The following GSE1 variants were observed in gnomAD, a reference collection of about 807,000 sequenced individuals.
GSE1 encodes Gse1 coiled-coil protein, also known as genetic suppressor element 1.
In GSE1, 32 loss-of-function variants were observed where a neutral mutation model predicts 112.6. That is an observed-to-expected ratio of 0.28 (90% CI 0.21 to 0.38). The LOEUF (loss-of-function observed/expected upper bound fraction) is 0.38. GSE1 is among the 10% of genes least tolerant of loss of function. GSE1 has a pLI of 1.00. For synonymous variants in GSE1, 1,115 were observed against 735.6 expected (o/e 1.52, Z -8.35); for missense variants, 2,348 against 1,699.2 (o/e 1.38, Z -6.71).
At chr16:85,615,222 G>T (rs1484910594) in intron 1 of GSE1, among the ~76,000 whole-genome samples, 1 of 152,236 alleles carries the variant, frequency 6.6e-6, no homozygotes. Flanking sequence ...CAGGTGAGGG[G>T]CCCAGGGCGC....
intron 1 of GSE1, among the ~76,000 whole-genome samples, chr16:85,199,112 T>TTTTTG (rs1263075755): frequency 1.3e-5 from 2 of 152,046 alleles, no homozygotes; most frequent in East Asian, 1.9e-4. Flanking sequence ...GCCCAGCTAA[T>TTTTTG]TTTTGTTTTG....
At chr16:85,634,156 CGTGGG>C in intron 2 of GSE1, 24 bp downstream of exon 2, 1 of 1,398,060 alleles carries the variant, frequency 7.2e-7, no homozygotes, top group Admixed American at 3.3e-5. Flanking sequence ...CCAGGCTGCG[CGTGGG>C]GGGAGCGGCG....
At chr16:85,604,842 G>C (rs1333717325) in intron 1 of GSE1, among the ~76,000 whole-genome samples, 4 of 29,160 alleles carry the variant, frequency 1.4e-4, no homozygotes, top group Non-Finnish European at 2.3e-4. Context: ...TTTTGAGATG[G>C]AGTCTCGCTC....
intron 1 of GSE1, among the ~76,000 whole-genome samples, chr16:85,316,381 G>A (rs1057091031): frequency 2.6e-5 from 4 of 152,190 alleles, no homozygotes; most frequent in African/African-American, 9.7e-5. Context: ...GTCTCAATCT[G>A]CACAGGGCAC....
chr16:85,507,193 T>C (rs12598437), intron 2 of GSE1, among the ~76,000 whole-genome samples: 7,922 of 152,336 alleles, frequency 0.052, 357 homozygotes, highest in South Asian at 0.12. Flanking sequence ...TTCCTATCCA[T>C]GTATTCATCT....
At chr16:85,635,492 G>A (rs2049917472) in intron 2 of GSE1, among the ~76,000 whole-genome samples, 2 of 144,868 alleles carry the variant, frequency 1.4e-5, no homozygotes, top group Non-Finnish European at 3.1e-5. Flanking sequence ...CCTGCCTGGT[G>A]GAGGCATCCT....
At chr16:85,519,841 C>T (rs1222663339) in intron 2 of GSE1, among the ~76,000 whole-genome samples, 1 of 152,220 alleles carries the variant, frequency 6.6e-6, no homozygotes, top group African/African-American at 2.4e-5. Context: ...AGTCCAAGTG[C>T]TCCCCTTCCT....
intron 1 of GSE1, among the ~76,000 whole-genome samples, chr16:85,303,132 GGCCGTTGTT>G (rs1300350495): frequency 6.6e-6 from 1 of 152,250 alleles, no homozygotes; most frequent in Non-Finnish European, 1.5e-5. Context: ...CCATCCCTCT[GGCCGTTGTT>G]GCCCAGCCCG....
rs2053442315 is a variant in GSE1, at chr16:85,672,606, T to TTAA, written c.*70_*72dup. ...TTATCTATTTTATTACCTTGAATATTTAATATTTTTCACTGGGAGGTTTGA... is the reference window on the plus strand; with the variant it reads ...TTATCTATTTTATTACCTTGAATATTTAATAATATTTTTCACTGGGAGGTTTGA... On this transcript the variant is annotated 3_prime_UTR_variant, in exon 16 of 16. Transcript: ENST00000253458. 8.8e-7 allele frequency: 1 copy of TTAA among 1,132,334 alleles called. No homozygotes were observed. The highest frequency in any genetic ancestry group is 2.6e-5 in the Admixed American group (1 of 38,346). 70.1% of individuals were successfully genotyped at this position (1,132,334 alleles called of 1,614,324 possible).
In GSE1 at chr16:85,652,545, A is replaced by AGGCGGC. The variant is rs142500416; in HGVS notation, c.427-1717_427-1712dup. On this transcript the variant is annotated intron_variant, in intron 3 of 15. Coordinates refer to ENST00000253458, the MANE Select transcript of GSE1 (RefSeq NM_014615.5). ...GATGCTGCCTCTCATTGAAGATTCC[A>AGGCGGC]GGCGGCGGCGGCGGCGGCGGCTCCT... Among the ~76,000 whole-genome samples, 672 of 150,942 alleles carry AGGCGGC rather than the reference A, an allele frequency of 4.5e-3. 5 individuals carry two copies. The highest frequency in any genetic ancestry group is 0.03 in the East Asian group (153 of 5,028).
At chr16:85,183,199 A>G (rs941452209) in intron 1 of GSE1, among the ~76,000 whole-genome samples, 2 of 151,546 alleles carry the variant, frequency 1.3e-5, no homozygotes, top group African/African-American at 2.4e-5. Context: ...CCTCACACAC[A>G]TGTGTATGCA....
At chr16:85,530,026 C>T (rs927383057) in intron 2 of GSE1, among the ~76,000 whole-genome samples, 1 of 152,230 alleles carries the variant, frequency 6.6e-6, no homozygotes, top group Non-Finnish European at 1.5e-5. Context: ...GTGCAGTGCA[C>T]AACCTGCCCG....
intron 7 of GSE1, 102 bp from the exon 8 acceptor site, chr16:85,657,175 G>T: frequency 1.2e-6 from 1 of 801,548 alleles, no homozygotes; most frequent in Non-Finnish European, 1.9e-6. Flanking sequence ...GAACCCTTTG[G>T]AAGGGCTCTG....
intron 1 of GSE1, among the ~76,000 whole-genome samples, chr16:85,320,443 G>GTTTTC (rs1233617364): frequency 2.7e-5 from 4 of 150,740 alleles, no homozygotes; most frequent in African/African-American, 9.8e-5. Flanking sequence ...CCCGGCTAAT[G>GTTTTC]TTTTGTTTTG....
At chr16:85,431,465 C>A (rs1482095078) in intron 2 of GSE1, among the ~76,000 whole-genome samples, 1 of 152,248 alleles carries the variant, frequency 6.6e-6, no homozygotes, top group Non-Finnish European at 1.5e-5. Flanking sequence ...GAAAAACACA[C>A]AACGCCCCTA....
intron 2 of GSE1, among the ~76,000 whole-genome samples, chr16:85,432,143 TTAA>T (rs1204689355): frequency 6.6e-6 from 1 of 152,226 alleles, no homozygotes; most frequent in African/African-American, 2.4e-5. Context: ...TAATAGGCTA[TTAA>T]TAAAGCCCTT....
intron 1 of GSE1, among the ~76,000 whole-genome samples, chr16:85,614,909 C>T (rs2048274485): frequency 6.6e-6 from 1 of 152,074 alleles, no homozygotes; most frequent in South Asian, 2.1e-4. Context: ...CGGGTGGAAG[C>T]GAACCCGCCT....
intron 2 of GSE1, among the ~76,000 whole-genome samples, chr16:85,636,549 C>T (rs957494557): frequency 6.6e-6 from 1 of 152,206 alleles, no homozygotes; most frequent in Non-Finnish European, 1.5e-5. Flanking sequence ...CCTCACGTTT[C>T]CCCGTCCATG....
chr16:85,584,273 G>A (rs2151397052), intron 1 of GSE1, among the ~76,000 whole-genome samples: 1 of 152,250 alleles, frequency 6.6e-6, no homozygotes, highest in African/African-American at 2.4e-5. Flanking sequence ...TTCCCAGTGG[G>A]CCTCCCAGCT....
Sources: gnomAD v4.1 joint callset for allele counts (sites outside exome capture counted in the v4.1 genomes callset) on GRCh38, gnomAD v4.1.1 for gene constraint, MANE v1.5 for transcripts, NCBI Gene and HGNC (gene_info 2026-07-23, HGNC 2026-07-21) for gene names.